Variants in COL23A1 observed in about 807,000 individuals in gnomAD.
The protein encoded by COL23A1 is collagen alpha-1(XXIII) chain.
COL23A1 carries 97 observed loss-of-function variants against 99.3 expected under a neutral mutation model. The observed-to-expected ratio is 0.98, with a 90% confidence interval of 0.83 to 1.16. The LOEUF is 1.16. Among genes scored for constraint, COL23A1 ranks in the 50% most tolerant of loss-of-function variants. The pLI, the probability that COL23A1 is intolerant of heterozygous loss-of-function variation, is 0.00. For synonymous variants in COL23A1, 320 were observed against 308.2 expected, an observed-to-expected ratio of 1.04 and a Z score of -0.40; for missense variants, 762 against 757.4, an observed-to-expected ratio of 1.01 and a Z score of -0.07.
intron 2 of COL23A1, among the ~76,000 whole-genome samples, chr5:178,455,426 C>A (rs1767726597): frequency 6.6e-6 from 1 of 152,170 alleles, no homozygotes; most frequent in Non-Finnish European, 1.5e-5. Flanking sequence ...GGGCTGCAGC[C>A]AGGGCAAGTC....
intron 2 of COL23A1, among the ~76,000 whole-genome samples, chr5:178,506,881 T>C (rs1427174506): frequency 6.6e-6 from 1 of 152,230 alleles, no homozygotes; most frequent in African/African-American, 2.4e-5. Flanking sequence ...CACGAATTAC[T>C]GCGTTCAAAG....
chr5:178,298,221 T>C (rs1757851045), intron 3 of COL23A1, among the ~76,000 whole-genome samples: 1 of 152,176 alleles, frequency 6.6e-6, no homozygotes, highest in South Asian at 2.1e-4. Context: ...CCTCTTAGGC[T>C]GAATGGATGT....
At chr5:178,239,898 G>A (rs1013899666) in intron 27 of COL23A1, among the ~76,000 whole-genome samples, 3 of 152,090 alleles carry the variant, frequency 2.0e-5, no homozygotes, top group Admixed American at 2.0e-4. Context: ...GTCCTGCTGA[G>A]AGCCGTGTGG....
intron 2 of COL23A1, among the ~76,000 whole-genome samples, chr5:178,494,373 G>A (rs938188262): frequency 1.1e-4 from 16 of 152,206 alleles, no homozygotes; most frequent in Non-Finnish European, 1.0e-4. Flanking sequence ...AACGTGATGT[G>A]TTGGGAGGAT....
intron 1 of COL23A1, among the ~76,000 whole-genome samples, chr5:178,587,877 AAG>A (rs1276127471): frequency 2.0e-5 from 3 of 152,142 alleles, no homozygotes; most frequent in Non-Finnish European, 4.4e-5. Flanking sequence ...CTGGTACCCT[AAG>A]AGAGAGAAGC....
At chr5:178,416,861 G>GGAT (rs1765340104) in intron 2 of COL23A1, among the ~76,000 whole-genome samples, 1 of 151,956 alleles carries the variant, frequency 6.6e-6, no homozygotes, top group East Asian at 1.9e-4. Context: ...GAGGAGCTGA[G>GGAT]GGTGAGGGCA....
intron 2 of COL23A1, among the ~76,000 whole-genome samples, chr5:178,553,242 G>A (rs1420014473): frequency 1.3e-5 from 2 of 151,190 alleles, no homozygotes; most frequent in Non-Finnish European, 2.9e-5. Context: ...AACAAAGGCA[G>A]TAAGGCAGTA....
intron 2 of COL23A1, among the ~76,000 whole-genome samples, chr5:178,358,568 CTAA>C (rs1300518242): frequency 4.8e-5 from 6 of 125,766 alleles, no homozygotes; most frequent in African/African-American, 1.5e-4. Context: ...GTGTGTATGT[CTAA>C]TGTGTATGTG....
At chr5:178,445,802 G>A (rs1231112561) in intron 2 of COL23A1, among the ~76,000 whole-genome samples, 1 of 151,848 alleles carries the variant, frequency 6.6e-6, no homozygotes, top group East Asian at 1.9e-4. Flanking sequence ...GAAGAAACAT[G>A]TTTAGAATCA....
intron 2 of COL23A1, among the ~76,000 whole-genome samples, chr5:178,504,227 C>A (rs985276782): frequency 6.6e-6 from 1 of 152,012 alleles, no homozygotes; most frequent in Admixed American, 6.6e-5. Context: ...TATTCTCAGG[C>A]GGGGACAGGA....
intron 2 of COL23A1, among the ~76,000 whole-genome samples, chr5:178,522,245 T>G (rs1175420634): frequency 1.3e-5 from 2 of 152,224 alleles, no homozygotes; most frequent in African/African-American, 4.8e-5. Context: ...TTTTGCTTTA[T>G]GTAATTTGGG....
chr5:178,355,195 C>T (rs1371897123), intron 2 of COL23A1, among the ~76,000 whole-genome samples: 1 of 152,022 alleles, frequency 6.6e-6, no homozygotes, highest in African/African-American at 2.4e-5. Context: ...GCAAATACTA[C>T]ACATTTTACC....
intron 2 of COL23A1, among the ~76,000 whole-genome samples, chr5:178,502,163 G>A (rs991416330): frequency 2.0e-5 from 3 of 152,208 alleles, no homozygotes; most frequent in Non-Finnish European, 4.4e-5. Context: ...ATGGAGTCTC[G>A]CTCTGTCGCC....
At position 178,249,433 on chromosome 5, in the gene COL23A1, C is replaced by T. The variant is rs938535865; in HGVS notation, c.1060-227G>A. 1.1e-4 allele frequency among the ~76,000 whole-genome samples: 17 copies of T among 152,282 alleles called. No individual in the cohort carries two copies. The highest frequency in any genetic ancestry group is 6.5e-4 in the Admixed American group (10 of 15,286). On this transcript the variant is annotated intron_variant, in intron 18 of 28. Coordinates refer to ENST00000390654, the MANE Select transcript of COL23A1 (RefSeq NM_173465.4). ...GGTGTGGGCACCGCAGGGCAGGGGC[C>T]GGGGCAGATGGGTGGATCATGTGAG...
chr5:178,393,129 T>C (rs1246914759), intron 2 of COL23A1, among the ~76,000 whole-genome samples: 2 of 152,222 alleles, frequency 1.3e-5, no homozygotes, highest in East Asian at 3.9e-4. Context: ...ATTTGTTGCA[T>C]GCATATAAAA....
At chr5:178,481,740 G>A (rs1262619926) in intron 2 of COL23A1, among the ~76,000 whole-genome samples, 1 of 151,902 alleles carries the variant, frequency 6.6e-6, no homozygotes. Context: ...ATGAGAATTC[G>A]GGGAAGTTGG....
At chr5:178,343,869 G>A (rs1000398613) in intron 2 of COL23A1, among the ~76,000 whole-genome samples, 3 of 151,934 alleles carry the variant, frequency 2.0e-5, no homozygotes, top group Non-Finnish European at 4.4e-5. Context: ...CACCATGTTG[G>A]CCAGGATGGT....
intron 2 of COL23A1, among the ~76,000 whole-genome samples, chr5:178,400,468 A>G (rs1361442896): frequency 0.021 from 1 of 48 alleles, no homozygotes; most frequent in African/African-American, 0.071. Context: ...CAGCTCCGTC[A>G]GCCCCAAACT....
intron 2 of COL23A1, among the ~76,000 whole-genome samples, chr5:178,452,922 T>C (rs1475276420): frequency 2.6e-5 from 4 of 152,206 alleles, no homozygotes; most frequent in African/African-American, 9.7e-5. Flanking sequence ...ATCAGATATG[T>C]GTACCTACAT....
Sources: gnomAD v4.1 joint callset for allele counts (sites outside exome capture counted in the v4.1 genomes callset) on GRCh38, gnomAD v4.1.1 for gene constraint, MANE v1.5 for transcripts, NCBI Gene and HGNC (gene_info 2026-07-23, HGNC 2026-07-21) for gene names.